The following CPEB3 variants were observed in gnomAD, a reference collection of about 807,000 sequenced individuals.
CPEB3 encodes the protein cytoplasmic polyadenylation element binding protein 3.
CPEB3 carries 20 observed loss-of-function variants against 67.2 expected under a neutral mutation model. The observed-to-expected ratio is 0.30, with a 90% CI of 0.21 to 0.43. The LOEUF (loss-of-function observed/expected upper bound fraction) is 0.43. CPEB3 is among the 20% of genes least tolerant of loss of function. The pLI, the probability that CPEB3 is intolerant of heterozygous loss-of-function variation, is 1.00. For synonymous variants in CPEB3, 376 were observed against 393.1 expected, an observed-to-expected ratio of 0.96 and a Z score of 0.51; for missense variants, 746 against 968.6, an observed-to-expected ratio of 0.77 and a Z score of 3.05.
Position 92,092,779 on chromosome 10 carries a change from G to GA in CPEB3, c.1573-836dup, listed in dbSNP as rs1338071678. ...TGGTGACAGAGCAAGACTGTCTCAG[G>GA]AAAAAAAAAAAAGAGAGAGAATTAC... On this transcript the variant is annotated intron_variant, in intron 7 of 9. Transcript: ENST00000265997. Among the ~76,000 whole-genome samples the GA allele has an allele frequency of 2.8e-3, 400 of 141,198 alleles. 5 individuals carry two copies. In the East Asian group the frequency reaches 0.035, roughly 12 times the overall value. The allele number at this position is 141,198 out of a possible 152,430, so 92.6% of individuals were successfully genotyped here.
intron 3 of CPEB3, among the ~76,000 whole-genome samples, chr10:92,191,581 C>T (rs1334518344): frequency 6.6e-6 from 1 of 152,008 alleles, no homozygotes. Context: ...CAGGTGTTCA[C>T]AGTCATTCAC....
chr10:92,179,983 TGA>T (rs1466480800), intron 4 of CPEB3, among the ~76,000 whole-genome samples: 1 of 152,216 alleles, frequency 6.6e-6, no homozygotes, highest in Admixed American at 6.5e-5. Flanking sequence ...TCTGGGAAGA[TGA>T]GAGGGGACAA....
intron 9 of CPEB3, among the ~76,000 whole-genome samples, chr10:92,079,701 T>G (rs1003531058): frequency 1.3e-5 from 2 of 152,184 alleles, no homozygotes; most frequent in Non-Finnish European, 2.9e-5. Context: ...ATCCTGAATA[T>G]GAAAAATCCA....
chr10:92,069,608 T>C lies in CPEB3; in HGVS notation c.1869+11712A>G, dbSNP rs145733531. Among the ~76,000 whole-genome samples, 95 of 152,312 alleles carry C rather than the reference T, an allele frequency of 6.2e-4. No homozygotes were observed. The East Asian group carries it at 0.012, about 19-fold the overall frequency. ...TTAGTAGAGATGAGGTTTCACCATGTTGGCCAGGCTGGTCTCGAACTCCTG... is the reference window on the plus strand; with the variant it reads ...TTAGTAGAGATGAGGTTTCACCATGCTGGCCAGGCTGGTCTCGAACTCCTG... On this transcript the variant is annotated intron_variant, in intron 9 of 9. Transcript: ENST00000265997.
chr10:92,060,739 G>A (rs1842310353), intron 9 of CPEB3, among the ~76,000 whole-genome samples: 1 of 152,160 alleles, frequency 6.6e-6, no homozygotes, highest in Admixed American at 6.6e-5. Flanking sequence ...AAGACATACA[G>A]ATGGCAAACG....
intron 1 of CPEB3, among the ~76,000 whole-genome samples, chr10:92,276,870 G>A (rs373487286): frequency 2.1e-5 from 2 of 93,802 alleles, no homozygotes; most frequent in Non-Finnish European, 3.1e-5. Context: ...ATCCTATGAT[G>A]GCTAGTCATC....
In CPEB3 at chr10:92,221,260, T is replaced by C. The variant is rs548157726; in HGVS notation, c.1005+18086A>G. The stretch of plus-strand genomic sequence containing the variant: ...GTAATCCCAGCATTTTGGGAGGCCA[T>C]GGCAGGTGGATCACTTGAGGTCAGG... On this transcript the variant is annotated intron_variant, in intron 2 of 9. Coordinates refer to ENST00000265997, the MANE Select transcript of CPEB3 (RefSeq NM_014912.5). 1.1e-4 allele frequency among the ~76,000 whole-genome samples: 16 copies of C among 152,218 alleles called. No individual in the cohort carries two copies. The East Asian group carries it at 1.9e-3, about 18-fold the overall frequency.
chr10:92,199,129 C>T lies in CPEB3; in HGVS notation c.1006-6493G>A, dbSNP rs148262607. The stretch of plus-strand genomic sequence containing the variant: ...TTAACTGGCAGGGCGCAGTGGCTCA[C>T]GCCTGTAATCCCAGCACTTTGGGAG... On this transcript the variant is annotated intron_variant, in intron 2 of 9. Coordinates refer to ENST00000265997, the MANE Select transcript of CPEB3 (RefSeq NM_014912.5). Among the ~76,000 whole-genome samples, 335 of 152,216 alleles carry T rather than the reference C, an allele frequency of 2.2e-3. 1 individual carries two copies. The highest frequency in any genetic ancestry group is 7.4e-3 in the African/African-American group (307 of 41,522).
chr10:92,252,690 GTA>G (rs1456107521), intron 1 of CPEB3, among the ~76,000 whole-genome samples: 1 of 151,520 alleles, frequency 6.6e-6, no homozygotes, highest in Non-Finnish European at 1.5e-5. Context: ...GCTAATTTTT[GTA>G]TGTTTTTGTA....
chr10:92,232,748 A>G (rs1851332358), intron 2 of CPEB3, among the ~76,000 whole-genome samples: 2 of 140,322 alleles, frequency 1.4e-5, no homozygotes, highest in East Asian at 4.2e-4. Flanking sequence ...ACAGTGGGAA[A>G]CTCCATCTCA....
intron 1 of CPEB3, among the ~76,000 whole-genome samples, chr10:92,272,418 A>C (rs1040020383): frequency 3.9e-5 from 6 of 152,170 alleles, no homozygotes; most frequent in Non-Finnish European, 7.3e-5. Context: ...CACTAGGCAT[A>C]TTCATTGGTT....
chr10:92,228,376 G>A (rs1170426399), intron 2 of CPEB3, among the ~76,000 whole-genome samples: 3 of 151,660 alleles, frequency 2.0e-5, no homozygotes, highest in Non-Finnish European at 4.4e-5. Context: ...TATTTCTCTG[G>A]TCCAAAAAAG....
intron 9 of CPEB3, among the ~76,000 whole-genome samples, chr10:92,059,755 G>A (rs1381644791): frequency 6.6e-6 from 1 of 152,144 alleles, no homozygotes; most frequent in Non-Finnish European, 1.5e-5. Context: ...TCAGGAACTT[G>A]AGACCAGCCT....
chr10:92,258,699 C>A (rs1263655195), intron 1 of CPEB3, among the ~76,000 whole-genome samples: 2 of 119,220 alleles, frequency 1.7e-5, no homozygotes, highest in African/African-American at 3.4e-5. Flanking sequence ...TTGTGTTCAT[C>A]TTAGGTCAAA....
intron 9 of CPEB3, among the ~76,000 whole-genome samples, chr10:92,067,156 A>G (rs1842582493): frequency 6.6e-6 from 1 of 152,026 alleles, no homozygotes. Flanking sequence ...TAGTTTTTCA[A>G]CTATGAGCTG....
In CPEB3 at chr10:92,073,380, A is replaced by G. The variant is rs556487761; in HGVS notation, c.1869+7940T>C. Among the ~76,000 whole-genome samples, 23 of 152,148 alleles carry G rather than the reference A, an allele frequency of 1.5e-4. No homozygotes were observed. In the South Asian group the frequency reaches 4.8e-3, roughly 32 times the overall value. Reference sequence around the variant, plus strand: ...CAACAAAATGTTTCAGAGGCCAGGCACAGTGACTCATGCCTATAATCCCAG... The same window carrying G: ...CAACAAAATGTTTCAGAGGCCAGGCGCAGTGACTCATGCCTATAATCCCAG... On this transcript the variant is annotated intron_variant, in intron 9 of 9. Coordinates refer to ENST00000265997, the MANE Select transcript of CPEB3 (RefSeq NM_014912.5).
intron 7 of CPEB3, among the ~76,000 whole-genome samples, chr10:92,101,429 A>C (rs1355234699): frequency 1.3e-5 from 2 of 152,136 alleles, no homozygotes; most frequent in Non-Finnish European, 2.9e-5. Context: ...CCCCAACAAG[A>C]AGCAGCACCC....
At chr10:92,057,775 T>C (rs1842169238) in intron 9 of CPEB3, among the ~76,000 whole-genome samples, 1 of 152,186 alleles carries the variant, frequency 6.6e-6, no homozygotes. Flanking sequence ...TTTGGGAAAG[T>C]AAGGGAAGAG....
chr10:92,273,033 G>C (rs1853370854), intron 1 of CPEB3, among the ~76,000 whole-genome samples: 2 of 152,128 alleles, frequency 1.3e-5, no homozygotes, highest in Non-Finnish European at 2.9e-5. Flanking sequence ...GAAAACAATA[G>C]GTGGATTTGA....
Sources: gnomAD v4.1 joint callset for allele counts (sites outside exome capture counted in the v4.1 genomes callset) on GRCh38, gnomAD v4.1.1 for gene constraint, MANE v1.5 for transcripts, NCBI Gene and HGNC (gene_info 2026-07-23, HGNC 2026-07-21) for gene names.